ZNF385B: variants seen among roughly 807,000 people sequenced by gnomAD.
ZNF385B encodes zinc finger protein 385B, also known as zinc finger protein 533.
In ZNF385B, 23 loss-of-function variants were observed where a neutral mutation model predicts 39.2. The observed-to-expected ratio is 0.59, with a 90% CI of 0.42 to 0.83. The LOEUF (loss-of-function observed/expected upper bound fraction) is 0.83, where lower values mean the gene tolerates loss of function less well. ZNF385B is among the 40% of genes least tolerant of loss of function. The probability of loss-of-function intolerance (pLI) is 0.00; values close to 1 mark genes in which losing one functional copy is unlikely to be tolerated. For synonymous variants in ZNF385B, 205 were observed against 222.6 expected, an observed-to-expected ratio of 0.92 and a Z score of 0.70; for missense variants, 552 against 598.9, an observed-to-expected ratio of 0.92 and a Z score of 0.82.
At chr2:179,515,269 T>A (rs147613885) in intron 5 of ZNF385B, among the ~76,000 whole-genome samples, 261 of 152,328 alleles carry the variant, frequency 1.7e-3, no homozygotes, top group African/African-American at 5.9e-3. Flanking sequence ...GGCAAATCCT[T>A]ATTTGTGAGT....
intron 4 of ZNF385B, 57 bp downstream of exon 4, chr2:179,544,770 A>T: frequency 6.2e-7 from 1 of 1,605,314 alleles, no homozygotes; most frequent in Non-Finnish European, 8.5e-7. Flanking sequence ...GACTATTCAC[A>T]AATGTAATGA....
intron 3 of ZNF385B, among the ~76,000 whole-genome samples, chr2:179,747,608 T>A (rs530752677): frequency 1.6e-4 from 25 of 152,248 alleles, no homozygotes; most frequent in Admixed American, 2.6e-4. Flanking sequence ...TGCCTAAAAA[T>A]CTTTTTATTA....
rs191432274 is a variant in ZNF385B at position 179,792,845 on chromosome 2, A to G, written c.-154-22173T>C. Among the ~76,000 whole-genome samples, 4 of 152,366 alleles carry G rather than the reference A, an allele frequency of 2.6e-5. No individual in the cohort carries two copies. The East Asian group carries it at 7.7e-4, about 29-fold the overall frequency. The stretch of plus-strand genomic sequence containing the variant: ...GAAGGGAAAGGGAAAGGGAAAGGGA[A>G]GAACATGAGTACATATCCTGGAGAT... On this transcript the variant is annotated intron_variant, in intron 1 of 9. Transcript: ENST00000410066.
intron 6 of ZNF385B, among the ~76,000 whole-genome samples, chr2:179,449,673 T>A (rs2105570196): frequency 6.6e-6 from 1 of 152,266 alleles, no homozygotes; most frequent in East Asian, 1.9e-4. Context: ...ATGGCCATAC[T>A]GCCCAAGGTA....
chr2:179,756,708 C>A (rs1309897502), intron 3 of ZNF385B, among the ~76,000 whole-genome samples: 1 of 152,228 alleles, frequency 6.6e-6, no homozygotes, highest in African/African-American at 2.4e-5. Context: ...ACACTTCTCA[C>A]TTCATTTCAT....
chr2:179,766,262 C>G (rs1447986191), intron 3 of ZNF385B, among the ~76,000 whole-genome samples: 1 of 152,118 alleles, frequency 6.6e-6, no homozygotes, highest in Non-Finnish European at 1.5e-5. Flanking sequence ...AACTCCAACA[C>G]TACAAAACCG....
intron 3 of ZNF385B, among the ~76,000 whole-genome samples, chr2:179,750,343 G>A (rs892275439): frequency 1.3e-5 from 2 of 152,058 alleles, no homozygotes; most frequent in Non-Finnish European, 2.9e-5. Flanking sequence ...AACAGATAAA[G>A]GGTACCAACT....
intron 4 of ZNF385B, among the ~76,000 whole-genome samples, chr2:179,538,369 T>C (rs1056307321): frequency 9.8e-5 from 15 of 152,306 alleles, no homozygotes; most frequent in African/African-American, 3.4e-4. Flanking sequence ...AAAAGTTAAA[T>C]GTCCTAGCTT....
At chr2:179,498,984 G>A (rs1298999909) in intron 5 of ZNF385B, among the ~76,000 whole-genome samples, 1 of 151,808 alleles carries the variant, frequency 6.6e-6, no homozygotes, top group African/African-American at 2.4e-5. Context: ...TGAAAAAGGA[G>A]ACATTACAAC....
At chr2:179,695,985 T>G (rs1208500829) in intron 3 of ZNF385B, among the ~76,000 whole-genome samples, 1 of 152,252 alleles carries the variant, frequency 6.6e-6, no homozygotes, top group East Asian at 1.9e-4. Context: ...TTAAAAGCCT[T>G]ACGCTAAATG....
intron 3 of ZNF385B, among the ~76,000 whole-genome samples, chr2:179,668,945 A>G (rs1319100197): frequency 4.6e-5 from 7 of 152,198 alleles, no homozygotes. Flanking sequence ...AGGCTAGAAA[A>G]CAAAAGGAAA....
chr2:179,578,348 T>C lies in ZNF385B; in HGVS notation c.299-33379A>G, dbSNP rs947252469. Among the ~76,000 whole-genome samples the C allele has an allele frequency of 2.6e-5, 4 of 152,108 alleles. No individual in the cohort carries two copies. The South Asian group carries it at 6.2e-4, about 24-fold the overall frequency. ...TTATGTACAAGGTAATGAGTAACTCTCCTTTCTGAGTACACACTACAAGTT... is the reference window on the plus strand; with the variant it reads ...TTATGTACAAGGTAATGAGTAACTCCCCTTTCTGAGTACACACTACAAGTT... On this transcript the variant is annotated intron_variant, in intron 3 of 9. Transcript: ENST00000410066.
At chr2:179,595,101 A>G (rs1022262626) in intron 3 of ZNF385B, among the ~76,000 whole-genome samples, 3 of 152,188 alleles carry the variant, frequency 2.0e-5, no homozygotes, top group Admixed American at 1.3e-4. Flanking sequence ...TTTACTATTA[A>G]TCACCCAATA....
At chr2:179,498,673 A>T (rs963502176) in intron 5 of ZNF385B, among the ~76,000 whole-genome samples, 4 of 152,024 alleles carry the variant, frequency 2.6e-5, no homozygotes, top group African/African-American at 9.6e-5. Context: ...AAACCATGGG[A>T]TACTGCAAAA....
intron 3 of ZNF385B, among the ~76,000 whole-genome samples, chr2:179,757,498 G>C (rs1703114217): frequency 6.6e-6 from 1 of 152,212 alleles, no homozygotes; most frequent in Admixed American, 6.5e-5. Context: ...CTGTCAGACA[G>C]GGACATTTAA....
chr2:179,455,538 C>T (rs957932890), intron 6 of ZNF385B, among the ~76,000 whole-genome samples: 2 of 152,046 alleles, frequency 1.3e-5, no homozygotes, highest in Non-Finnish European at 1.5e-5. Flanking sequence ...TGGTAAGTTT[C>T]CTGAGGCCTC....
intron 1 of ZNF385B, among the ~76,000 whole-genome samples, chr2:179,856,698 G>T (rs1343334215): frequency 6.6e-6 from 1 of 151,130 alleles, no homozygotes; most frequent in East Asian, 1.9e-4. Context: ...CAAATAATAG[G>T]GAAATGAGAA....
At chr2:179,535,240 A>G (rs1464859508) in intron 4 of ZNF385B, among the ~76,000 whole-genome samples, 1 of 152,212 alleles carries the variant, frequency 6.6e-6, no homozygotes, top group Admixed American at 6.5e-5. Flanking sequence ...TGTATTCACA[A>G]TAAGAGAAAA....
intron 3 of ZNF385B, among the ~76,000 whole-genome samples, chr2:179,545,406 T>C (rs13408803): frequency 0.068 from 10,407 of 152,180 alleles, 485 homozygotes; most frequent in African/African-American, 0.14. Context: ...GAGATAAATA[T>C]AGGGTTTTTA....
Sources: allele counts gnomAD v4.1 joint callset (sites outside exome capture counted in the v4.1 genomes callset), GRCh38; gene constraint gnomAD v4.1.1; transcripts MANE v1.5; gene names NCBI Gene and HGNC (gene_info 2026-07-23, HGNC 2026-07-21).